TBC1D1: variants seen among roughly 807,000 people sequenced by gnomAD.
TBC1D1 encodes the protein TBC1 domain family member 1.
TBC1D1 carries 89 observed loss-of-function variants against 125.6 expected under a neutral mutation model. That is an observed-to-expected ratio of 0.71 (90% CI 0.60 to 0.85). The LOEUF (loss-of-function observed/expected upper bound fraction) is 0.85. Ranked by LOEUF, TBC1D1 falls within the 40% of genes least tolerant of loss-of-function variation. The pLI is 0.00. For synonymous variants in TBC1D1, 565 were observed against 564.1 expected (o/e 1.00, Z -0.02); for missense variants, 1,377 against 1,469.2 (o/e 0.94, Z 1.03).
At chr4:37,980,466 A>G (rs951119992) in intron 2 of TBC1D1, among the ~76,000 whole-genome samples, 2 of 152,220 alleles carry the variant, frequency 1.3e-5, no homozygotes, top group African/African-American at 4.8e-5. Flanking sequence ...TACTGTTTCT[A>G]TGCCTCCATG....
chr4:37,948,074 G>C (rs1727073969), intron 2 of TBC1D1, among the ~76,000 whole-genome samples: 1 of 152,180 alleles, frequency 6.6e-6, no homozygotes, highest in South Asian at 2.1e-4. Flanking sequence ...CTAGTCAGCT[G>C]GTGGTGTGTC....
chr4:37,967,339 A>C (rs1224989971), intron 2 of TBC1D1, among the ~76,000 whole-genome samples: 1 of 152,092 alleles, frequency 6.6e-6, no homozygotes, highest in Non-Finnish European at 1.5e-5. Context: ...TACTAAAAAT[A>C]CAAAAATTAG....
At chr4:38,034,235 G>A in intron 7 of TBC1D1, among the ~76,000 whole-genome samples, 1 of 152,208 alleles carries the variant, frequency 6.6e-6, no homozygotes, top group South Asian at 2.1e-4. Context: ...TCCTTTTTGA[G>A]AATCTAATGC....
intron 10 of TBC1D1, among the ~76,000 whole-genome samples, chr4:38,048,432 GA>G (rs1262089486): frequency 6.6e-6 from 1 of 151,980 alleles, no homozygotes; most frequent in Non-Finnish European, 1.5e-5. Flanking sequence ...CCTGAAGAAT[GA>G]AAAACTTCAG....
chr4:38,128,821 A>G (rs1035641873), intron 18 of TBC1D1, among the ~76,000 whole-genome samples: 3 of 152,204 alleles, frequency 2.0e-5, no homozygotes, highest in Admixed American at 6.5e-5. Flanking sequence ...ACATCTTCTG[A>G]CCCAAGAAGA....
chr4:37,965,552 C>T (rs1276054444), intron 2 of TBC1D1, among the ~76,000 whole-genome samples: 1 of 152,022 alleles, frequency 6.6e-6, no homozygotes, highest in Non-Finnish European at 1.5e-5. Flanking sequence ...GATCCCTGCA[C>T]TGAGTTGGCA....
At chr4:37,949,954 C>T (rs1355339643) in intron 2 of TBC1D1, among the ~76,000 whole-genome samples, 5 of 152,102 alleles carry the variant, frequency 3.3e-5, no homozygotes, top group South Asian at 2.1e-4. Context: ...CCAGTTGCAC[C>T]GAGAGGTAAC....
chr4:38,009,497 G>A (rs964058186), intron 2 of TBC1D1, among the ~76,000 whole-genome samples: 4 of 152,116 alleles, frequency 2.6e-5, no homozygotes, highest in Non-Finnish European at 5.9e-5. Context: ...CTAAATCCTT[G>A]TGAATAAAAT....
chr4:37,902,105 A>G lies in TBC1D1; in HGVS notation c.10A>G (p.Ile4Val), dbSNP rs774256685. The G allele has an allele frequency of 5.6e-6, 9 of 1,600,612 alleles. No individual in the cohort carries two copies. In the East Asian group the frequency reaches 6.7e-5, roughly 12 times the overall value. The change falls in exon 2 of 20, where the codon ATA becomes GTA. Residue 4 changes from isoleucine (I) to valine (V), a missense_variant. Coordinates refer to ENST00000261439, the MANE Select transcript of TBC1D1 (RefSeq NM_015173.4). ...CCAGACCCTTCCCAAGATGGAACCAATAACATTCACAGCAAGGAAACATCT... is the reference window on the plus strand; with the variant it reads ...CCAGACCCTTCCCAAGATGGAACCAGTAACATTCACAGCAAGGAAACATCT...
intron 12 of TBC1D1, among the ~76,000 whole-genome samples, chr4:38,063,238 G>A (rs1753088175): frequency 6.6e-6 from 1 of 152,220 alleles, no homozygotes; most frequent in Admixed American, 6.5e-5. Context: ...CTAGAGTGAG[G>A]CCAGCACGTG....
intron 2 of TBC1D1, among the ~76,000 whole-genome samples, chr4:37,907,660 G>T (rs1349365520): frequency 6.6e-6 from 1 of 152,154 alleles, no homozygotes; most frequent in Non-Finnish European, 1.5e-5. Context: ...AGTAAACATG[G>T]TAAGTAAATG....
At chr4:38,078,966 C>T (rs1386865352) in intron 12 of TBC1D1, among the ~76,000 whole-genome samples, 1 of 152,142 alleles carries the variant, frequency 6.6e-6, no homozygotes, top group East Asian at 1.9e-4. Flanking sequence ...AGGAAGTTGG[C>T]TTGCTTTTCT....
chr4:37,896,088 A>G (rs558915634), intron 1 of TBC1D1, among the ~76,000 whole-genome samples: 1 of 152,220 alleles, frequency 6.6e-6, no homozygotes, highest in Non-Finnish European at 1.5e-5. Context: ...ACAGAGCAAT[A>G]TGAGTAGCTG....
intron 2 of TBC1D1, among the ~76,000 whole-genome samples, chr4:37,966,851 C>T (rs530849809): frequency 9.7e-4 from 148 of 152,242 alleles, no homozygotes; most frequent in South Asian, 3.1e-3. Context: ...GGGCATTTGC[C>T]TAGGAATTCG....
At chr4:37,914,206 T>C (rs528396957) in intron 2 of TBC1D1, among the ~76,000 whole-genome samples, 1 of 152,324 alleles carries the variant, frequency 6.6e-6, no homozygotes, top group East Asian at 1.9e-4. Flanking sequence ...GTTAATCTAT[T>C]ACTTCAGACT....
At chr4:37,959,032 A>C (rs1172304149) in intron 2 of TBC1D1, among the ~76,000 whole-genome samples, 1 of 152,208 alleles carries the variant, frequency 6.6e-6, no homozygotes, top group Non-Finnish European at 1.5e-5. Context: ...GGTCCAAGTC[A>C]TGGCTCTGTC....
intron 7 of TBC1D1, among the ~76,000 whole-genome samples, chr4:38,035,108 A>G (rs1013678985): frequency 7.9e-5 from 12 of 152,172 alleles, no homozygotes; most frequent in Non-Finnish European, 1.6e-4. Flanking sequence ...CATGCCATGA[A>G]GTTTTGTATG....
chr4:38,133,316 C>CA, intron 19 of TBC1D1, 59 bp downstream of exon 21: 1 of 1,508,876 alleles, frequency 6.6e-7, no homozygotes. Context: ...TTCATTAACT[C>CA]ACCAAAGGCA....
chr4:38,110,421 C>G (rs1762013587), intron 15 of TBC1D1: 4 of 985,378 alleles, frequency 4.1e-6, no homozygotes, highest in Non-Finnish European at 4.8e-6. Flanking sequence ...AGGCTCTTCC[C>G]CCTCCAAGTG....
Sources: gnomAD v4.1 joint callset for allele counts (sites outside exome capture counted in the v4.1 genomes callset) on GRCh38, gnomAD v4.1.1 for gene constraint, MANE v1.5 for transcripts, NCBI Gene and HGNC (gene_info 2026-07-23, HGNC 2026-07-21) for gene names.